Variants in RGL1 observed in about 807,000 individuals in gnomAD.
RGL1 encodes ral guanine nucleotide dissociation stimulator like 1.
In RGL1, 24 loss-of-function variants were observed where a neutral mutation model predicts 95.2. The observed-to-expected ratio is 0.25, with a 90% CI of 0.18 to 0.35. RGL1 has a LOEUF of 0.35. Ranked by LOEUF, RGL1 falls within the 10% of genes least tolerant of loss-of-function variation. The pLI is 1.00. For synonymous variants in RGL1, 329 were observed against 344.9 expected, an observed-to-expected ratio of 0.95 and a Z score of 0.51; for missense variants, 715 against 936.3, an observed-to-expected ratio of 0.76 and a Z score of 3.08.
chr1:183,671,123 G>C (rs6663094), intron 1 of RGL1, among the ~76,000 whole-genome samples: 1,968 of 152,262 alleles, frequency 0.013, 52 homozygotes, highest in African/African-American at 0.046. Context: ...ATCAGATCTT[G>C]TGAGAATTCA....
intron 2 of RGL1, among the ~76,000 whole-genome samples, chr1:183,793,687 A>G (rs1422597784): frequency 2.0e-5 from 3 of 152,284 alleles, no homozygotes; most frequent in East Asian, 1.9e-4. Context: ...AATGCTCAAC[A>G]TCACTAATCA....
chr1:183,873,565 G>A (rs766805334), intron 4 of RGL1, among the ~76,000 whole-genome samples: 7 of 152,086 alleles, frequency 4.6e-5, no homozygotes, highest in Non-Finnish European at 1.0e-4. Flanking sequence ...TTATAGAAGA[G>A]CATTGGGATC....
At chr1:183,663,663 C>G (rs1030910350) in intron 1 of RGL1, among the ~76,000 whole-genome samples, 1 of 151,896 alleles carries the variant, frequency 6.6e-6, no homozygotes, top group Non-Finnish European at 1.5e-5. Context: ...GGCGATTCCT[C>G]AGGGATCTAG....
At chr1:183,898,042 C>G in intron 10 of RGL1, 145 bp downstream of exon 10, 1 of 651,788 alleles carries the variant, frequency 1.5e-6, no homozygotes, top group South Asian at 1.9e-5. Context: ...CATTTGTTCT[C>G]AGCAGCCCTG....
chr1:183,897,955 T>A (rs913475947), intron 10 of RGL1, 58 bp downstream of exon 10: 2 of 1,440,946 alleles, frequency 1.4e-6, no homozygotes, highest in African/African-American at 2.8e-5. Flanking sequence ...CGTGTGCGTC[T>A]GGGCTCCCAC....
At chr1:183,788,928 C>A (rs964149081) in intron 2 of RGL1, among the ~76,000 whole-genome samples, 1 of 152,200 alleles carries the variant, frequency 6.6e-6, no homozygotes, top group Non-Finnish European at 1.5e-5. Context: ...CCTACCCACC[C>A]CTTCCACTAC....
intron 2 of RGL1, among the ~76,000 whole-genome samples, chr1:183,759,040 T>G (rs936254434): frequency 2.0e-5 from 3 of 152,210 alleles, no homozygotes; most frequent in African/African-American, 7.2e-5. Context: ...ATATGAAAGC[T>G]TGCCAGAATC....
chr1:183,926,270 G>T lies in RGL1; in HGVS notation c.2285G>T (p.Arg762Ile). 1 of 1,612,420 alleles carries T rather than the reference G, an allele frequency of 6.2e-7. No homozygotes were observed. Among genetic ancestry groups the T allele is most frequent in the Non-Finnish European group, 8.5e-7 (1 of 1,179,206 alleles). The change falls in exon 18 of 18, where the codon AGA becomes ATA. Residue 762 changes from arginine (R) to isoleucine (I), a missense_variant. Arg to Ile is a moderately conservative substitution (Grantham distance 97). Around this residue, in one of 3 missense-constraint regions of RGL1, gnomAD observed 330 missense variants for 429.6 expected, o/e 0.77. Coordinates refer to ENST00000360851, the MANE Select transcript of RGL1 (RefSeq NM_001297671.3). ...RTAKRGCWSN[R>I]HSKITL ...GCTAAACGGGGCTGCTGGAGTAACAGACACAGCAAAATCACCCTCTGAAGG... is the reference window on the plus strand; with the variant it reads ...GCTAAACGGGGCTGCTGGAGTAACATACACAGCAAAATCACCCTCTGAAGG...
chr1:183,723,403 G>A (rs188158675), intron 1 of RGL1, among the ~76,000 whole-genome samples: 1 of 152,332 alleles, frequency 6.6e-6, no homozygotes, highest in East Asian at 1.9e-4. Flanking sequence ...ACTGAAAGAG[G>A]CACTGAAGAG....
chr1:183,760,002 G>T (rs574813835), intron 2 of RGL1, among the ~76,000 whole-genome samples: 1 of 152,010 alleles, frequency 6.6e-6, no homozygotes, highest in South Asian at 2.1e-4. Flanking sequence ...CACATACCTC[G>T]TGGATACCTG....
intron 1 of RGL1, among the ~76,000 whole-genome samples, chr1:183,704,385 AG>A (rs980522557): frequency 2.0e-5 from 3 of 152,198 alleles, no homozygotes; most frequent in African/African-American, 7.2e-5. Flanking sequence ...TCTGGCTGCT[AG>A]AGTGAGAGCT....
At chr1:183,648,985 G>A (rs183310381) in intron 1 of RGL1, among the ~76,000 whole-genome samples, 396 of 152,296 alleles carry the variant, frequency 2.6e-3, no homozygotes, top group Middle Eastern at 6.8e-3. Context: ...CTAGAGCATG[G>A]GGAGGAAACA....
At chr1:183,899,071 G>C (rs1011789910) in intron 10 of RGL1, among the ~76,000 whole-genome samples, 3 of 152,202 alleles carry the variant, frequency 2.0e-5, no homozygotes, top group Admixed American at 2.0e-4. Flanking sequence ...TATCCCTGCA[G>C]TTGTAGGTAG....
rs577007535 is a variant in RGL1, at chr1:183,822,145, T to A, written c.138+15660T>A. Among the ~76,000 whole-genome samples, 3 of 152,260 alleles carry A rather than the reference T, an allele frequency of 2.0e-5. No individual in the cohort carries two copies. In the South Asian group the frequency reaches 6.2e-4, roughly 32 times the overall value. On this transcript the variant is annotated intron_variant, in intron 2 of 17. Coordinates refer to ENST00000360851, the MANE Select transcript of RGL1 (RefSeq NM_001297671.3). ...AGTTTATGGGGTTACATGGGCCTTG[T>A]ATTTATTCTGACAGTTGTAAAAATT...
intron 1 of RGL1, among the ~76,000 whole-genome samples, chr1:183,686,514 T>A (rs755312841): frequency 6.6e-6 from 1 of 152,184 alleles, no homozygotes; most frequent in African/African-American, 2.4e-5. Context: ...TTGCTGTTTC[T>A]CACTTCCTGC....
chr1:183,906,459 A>G (rs1032358490), intron 13 of RGL1, among the ~76,000 whole-genome samples: 3 of 151,898 alleles, frequency 2.0e-5, no homozygotes, highest in Non-Finnish European at 4.4e-5. Context: ...GTGAAACCCC[A>G]TCTCTACTAA....
chr1:183,709,761 C>G (rs1655149896), intron 1 of RGL1: 1 of 213,942 alleles, frequency 4.7e-6, no homozygotes, highest in South Asian at 8.6e-5. Flanking sequence ...TTGACATAAT[C>G]AGGCCCCCTC....
At chr1:183,682,557 T>C (rs539774728) in intron 1 of RGL1, among the ~76,000 whole-genome samples, 2 of 152,342 alleles carry the variant, frequency 1.3e-5, no homozygotes, top group East Asian at 3.9e-4. Context: ...TCTGTTCTTT[T>C]GCATTTGCTG....
intron 2 of RGL1, among the ~76,000 whole-genome samples, chr1:183,752,218 T>G (rs1177919122): frequency 6.7e-6 from 1 of 150,346 alleles, no homozygotes; most frequent in Non-Finnish European, 1.5e-5. Flanking sequence ...ATTCTTGGAA[T>G]TGTCAGATTT....
Sources: gnomAD v4.1 joint callset for allele counts (sites outside exome capture counted in the v4.1 genomes callset) on GRCh38, gnomAD v4.1.1 for gene constraint, gnomAD v4.1.1 regional missense constraint, MANE v1.5 for transcripts, NCBI Gene and HGNC (gene_info 2026-07-23, HGNC 2026-07-21) for gene names.